ELMO1: variants seen among roughly 807,000 people sequenced by gnomAD.
ELMO1 encodes engulfment and cell motility 1.
A neutral mutation model predicts 98.9 loss-of-function variants in ELMO1; 26 were observed. The observed-to-expected ratio is 0.26, with a 90% CI of 0.19 to 0.36. ELMO1 has a LOEUF of 0.36. ELMO1 is among the 10% of genes least tolerant of loss of function. The pLI is 1.00. For missense variants in ELMO1, 627 were observed against 935.2 expected, an observed-to-expected ratio of 0.67 and a Z score of 4.30; for synonymous variants, 346 against 346.0, an observed-to-expected ratio of 1.00 and a Z score of 0.00.
At chr7:37,170,506 T>C (rs946380740) in intron 13 of ELMO1, among the ~76,000 whole-genome samples, 2 of 152,164 alleles carry the variant, frequency 1.3e-5, no homozygotes, top group African/African-American at 2.4e-5. Flanking sequence ...CATGACAAAA[T>C]TGCAGTGGTA....
At chr7:37,286,486 C>T (rs1030397771) in intron 4 of ELMO1, among the ~76,000 whole-genome samples, 6 of 152,182 alleles carry the variant, frequency 3.9e-5, no homozygotes, top group African/African-American at 1.4e-4. Context: ...TGCAGTGCCA[C>T]ATGAAGACAG....
intron 4 of ELMO1, among the ~76,000 whole-genome samples, chr7:37,293,721 A>AT (rs1483030810): frequency 1.4e-5 from 1 of 73,334 alleles, no homozygotes; most frequent in African/African-American, 3.8e-5. Flanking sequence ...TCAATAAAAA[A>AT]AAAAATAATA....
chr7:36,988,318 C>A (rs2129149667), intron 16 of ELMO1, among the ~76,000 whole-genome samples: 1 of 152,278 alleles, frequency 6.6e-6, no homozygotes, highest in South Asian at 2.1e-4. Context: ...GGACACCCAC[C>A]CTTTGCCTTC....
At chr7:36,943,454 C>T (rs1329534752) in intron 16 of ELMO1, among the ~76,000 whole-genome samples, 2 of 152,280 alleles carry the variant, frequency 1.3e-5, no homozygotes, top group Admixed American at 1.3e-4. Flanking sequence ...CATTTTAGAT[C>T]TTCAGTCATG....
At chr7:36,950,028 T>A (rs1012368213) in intron 16 of ELMO1, among the ~76,000 whole-genome samples, 1 of 152,236 alleles carries the variant, frequency 6.6e-6, no homozygotes, top group Non-Finnish European at 1.5e-5. Flanking sequence ...GTTCGCCCCA[T>A]GCTCCTATAC....
At chr7:37,150,449 A>AG (rs1197835675) in intron 13 of ELMO1, among the ~76,000 whole-genome samples, 1 of 151,776 alleles carries the variant, frequency 6.6e-6, no homozygotes, top group Non-Finnish European at 1.5e-5. Context: ...CTAAAAAAAA[A>AG]AAAATTGTTA....
intron 13 of ELMO1, among the ~76,000 whole-genome samples, chr7:37,170,379 A>G (rs1267880844): frequency 6.6e-6 from 1 of 152,204 alleles, no homozygotes; most frequent in African/African-American, 2.4e-5. Flanking sequence ...AGCAACTGTA[A>G]TGAAAACCCT....
chr7:36,911,079 T>C (rs1259169684), intron 16 of ELMO1, among the ~76,000 whole-genome samples: 3 of 152,222 alleles, frequency 2.0e-5, no homozygotes, highest in African/African-American at 7.2e-5. Flanking sequence ...GAGAGAAAGG[T>C]GTTCTCTGCC....
At chr7:37,026,249 C>G (rs1303944053) in intron 15 of ELMO1, among the ~76,000 whole-genome samples, 2 of 152,152 alleles carry the variant, frequency 1.3e-5, no homozygotes, top group Non-Finnish European at 2.9e-5. Flanking sequence ...TGGGATGTCC[C>G]TCACTGAAGA....
At chr7:37,205,540 G>C (rs2130363043) in intron 13 of ELMO1, among the ~76,000 whole-genome samples, 1 of 152,182 alleles carries the variant, frequency 6.6e-6, no homozygotes, top group South Asian at 2.1e-4. Context: ...CATAAAAACA[G>C]CACTTCAGCA....
intron 1 of ELMO1, chr7:37,351,248 C>T (rs534071518): frequency 1.1e-4 from 17 of 152,268 alleles, no homozygotes; most frequent in African/African-American, 2.4e-4. Flanking sequence ...AATTTAAACA[C>T]GAATAACAAT....
At chr7:36,913,991 G>T (rs554279254) in intron 16 of ELMO1, among the ~76,000 whole-genome samples, 1 of 152,214 alleles carries the variant, frequency 6.6e-6, no homozygotes, top group African/African-American at 2.4e-5. Context: ...GCCATATTTT[G>T]TGAACATGCA....
At chr7:37,430,660 G>A (rs918138261) in intron 1 of ELMO1, among the ~76,000 whole-genome samples, 1 of 152,206 alleles carries the variant, frequency 6.6e-6, no homozygotes, top group Non-Finnish European at 1.5e-5. Context: ...ATGGCCTCTG[G>A]CCACAGAATT....
intron 16 of ELMO1, among the ~76,000 whole-genome samples, chr7:36,979,280 T>A (rs1250321943): frequency 2.6e-5 from 4 of 152,200 alleles, no homozygotes; most frequent in African/African-American, 7.2e-5. Context: ...CTCCCATACA[T>A]ATTATAATTT....
chr7:37,130,858 C>A (rs1353478579), intron 14 of ELMO1, among the ~76,000 whole-genome samples: 1 of 151,740 alleles, frequency 6.6e-6, no homozygotes, highest in African/African-American at 2.4e-5. Context: ...ACAGAATAAG[C>A]ATTTATCAAA....
chr7:37,337,791 A>G lies in ELMO1; in HGVS notation c.78+4822T>C, dbSNP rs1476634329. 3.3e-5 allele frequency among the ~76,000 whole-genome samples: 5 copies of G among 152,180 alleles called. No individual in the cohort carries two copies. The South Asian group carries it at 8.3e-4, about 25-fold the overall frequency. On this transcript the variant is annotated intron_variant, in intron 2 of 21. Coordinates refer to ENST00000310758, the MANE Select transcript of ELMO1 (RefSeq NM_014800.11). ...AGGCCTGAGGGGGCAGGGCAGAGACAAGAAATACTGGAGGCTTGAAGAGTT... is the reference window on the plus strand; with the variant it reads ...AGGCCTGAGGGGGCAGGGCAGAGACGAGAAATACTGGAGGCTTGAAGAGTT...
intron 15 of ELMO1, among the ~76,000 whole-genome samples, chr7:37,073,401 T>C (rs1305607577): frequency 2.0e-5 from 3 of 152,184 alleles, no homozygotes; most frequent in Non-Finnish European, 4.4e-5. Flanking sequence ...AGGATACAAA[T>C]ATAGATACAG....
intron 13 of ELMO1, among the ~76,000 whole-genome samples, chr7:37,152,245 A>G (rs1788413821): frequency 6.6e-6 from 1 of 152,148 alleles, no homozygotes; most frequent in Non-Finnish European, 1.5e-5. Context: ...AATCTGGATG[A>G]TAGGAGGTGG....
chr7:37,335,951 T>C (rs1230642658), intron 2 of ELMO1, among the ~76,000 whole-genome samples: 1 of 152,078 alleles, frequency 6.6e-6, no homozygotes, highest in African/African-American at 2.4e-5. Flanking sequence ...GGCAGGGCAC[T>C]GTGGTGGTTC....
Sources: gnomAD v4.1 joint callset for allele counts (sites outside exome capture counted in the v4.1 genomes callset) on GRCh38, gnomAD v4.1.1 for gene constraint, MANE v1.5 for transcripts, NCBI Gene and HGNC (gene_info 2026-07-23, HGNC 2026-07-21) for gene names.